The following WWC2 variants were observed in gnomAD, a reference collection of about 807,000 sequenced individuals.
WWC2 encodes WW and C2 domain containing 2, also known as protein WWC2.
In WWC2, 101 loss-of-function variants were observed where a neutral mutation model predicts 138.5. The ratio of observed to expected loss-of-function variants is 0.73; its 90% confidence interval spans 0.62 to 0.86. WWC2 has a LOEUF of 0.86. Ranked by LOEUF, WWC2 falls within the 40% of genes least tolerant of loss-of-function variation. The pLI is 0.00. For synonymous variants in WWC2, 558 were observed against 538.4 expected (o/e 1.04, Z -0.50); for missense variants, 1,420 against 1,419.4 (o/e 1.00, Z -0.01).
At chr4:183,281,237 T>A in intron 17 of WWC2, 1 of 350,634 alleles carries the variant, frequency 2.9e-6, no homozygotes, top group Admixed American at 4.4e-5. Flanking sequence ...GTGACTCTAT[T>A]TTTCTTTTAA....
At chr4:183,226,919 A>G (rs931301613) in intron 4 of WWC2, among the ~76,000 whole-genome samples, 2 of 152,068 alleles carry the variant, frequency 1.3e-5, no homozygotes, top group African/African-American at 4.8e-5. Flanking sequence ...CAGAATAGTA[A>G]GCAGAACACT....
In WWC2 at chr4:183,243,716, G is replaced by A. The variant is rs1025364740; in HGVS notation, c.603-1700G>A. Reference sequence around the variant, plus strand: ...AGAAATGTGACTAGGGGATCTTTAGGGGCCCTCCCCATTCTAAACACTGTG... The same window carrying A: ...AGAAATGTGACTAGGGGATCTTTAGAGGCCCTCCCCATTCTAAACACTGTG... On this transcript the variant is annotated intron_variant, in intron 5 of 22. Transcript: ENST00000403733. 4.0e-5 allele frequency among the ~76,000 whole-genome samples: 6 copies of A among 150,138 alleles called. No homozygotes were observed. The East Asian group carries it at 1.2e-3, about 30-fold the overall frequency.
At chr4:183,268,538 C>T (rs1737582350) in intron 14 of WWC2, among the ~76,000 whole-genome samples, 1 of 152,182 alleles carries the variant, frequency 6.6e-6, no homozygotes, top group Non-Finnish European at 1.5e-5. Context: ...TGATCATCAG[C>T]ATCTCTTGTT....
chr4:183,247,134 A>G (rs1197561462), intron 6 of WWC2, among the ~76,000 whole-genome samples: 2 of 152,164 alleles, frequency 1.3e-5, no homozygotes, highest in Admixed American at 1.3e-4. Flanking sequence ...TTACATCAAA[A>G]CCCAGTAACA....
intron 1 of WWC2, among the ~76,000 whole-genome samples, chr4:183,136,709 T>G (rs1469834872): frequency 6.6e-6 from 1 of 152,220 alleles, no homozygotes; most frequent in Non-Finnish European, 1.5e-5. Context: ...TAAACTATCT[T>G]AAAACATTAT....
chr4:183,186,778 A>G (rs549946781), intron 1 of WWC2, among the ~76,000 whole-genome samples: 2 of 152,016 alleles, frequency 1.3e-5, no homozygotes, highest in Non-Finnish European at 2.9e-5. Context: ...CAGATATTTG[A>G]AAGTCTGTCA....
intron 1 of WWC2, among the ~76,000 whole-genome samples, chr4:183,169,630 A>G (rs1362562506): frequency 6.6e-6 from 1 of 152,110 alleles, no homozygotes; most frequent in Admixed American, 6.5e-5. Context: ...CCTGTAAAAA[A>G]TATGATTTTG....
intron 1 of WWC2, among the ~76,000 whole-genome samples, chr4:183,117,139 C>A (rs531197184): frequency 6.6e-6 from 1 of 150,588 alleles, no homozygotes; most frequent in South Asian, 2.1e-4. Flanking sequence ...CTTTTCGAGA[C>A]AAGTTGAACT....
chr4:183,107,028 C>T (rs1163995760), intron 1 of WWC2, among the ~76,000 whole-genome samples: 2 of 152,170 alleles, frequency 1.3e-5, no homozygotes, highest in Admixed American at 1.3e-4. Flanking sequence ...ATTTTACATT[C>T]CCACCAGCAG....
chr4:183,197,361 T>C (rs2111219007), intron 2 of WWC2, among the ~76,000 whole-genome samples: 1 of 152,336 alleles, frequency 6.6e-6, no homozygotes, highest in Admixed American at 6.5e-5. Context: ...AAGCAAATGG[T>C]ATTATCTTCT....
chr4:183,137,876 C>G (rs1307310978), intron 1 of WWC2, among the ~76,000 whole-genome samples: 1 of 152,150 alleles, frequency 6.6e-6, no homozygotes, highest in Non-Finnish European at 1.5e-5. Context: ...TGTGATAACG[C>G]AGACTTGTTT....
At chr4:183,116,620 C>T (rs1362603826) in intron 1 of WWC2, among the ~76,000 whole-genome samples, 2 of 152,170 alleles carry the variant, frequency 1.3e-5, no homozygotes, top group East Asian at 1.9e-4. Flanking sequence ...GATAGAGCCT[C>T]CTTCAGGATT....
chr4:183,123,269 T>A (rs909032057), intron 1 of WWC2, among the ~76,000 whole-genome samples: 1 of 152,228 alleles, frequency 6.6e-6, no homozygotes, highest in African/African-American at 2.4e-5. Flanking sequence ...AATGGGAGAT[T>A]GTATTAAACA....
At chr4:183,197,868 G>T (rs1311589609) in intron 2 of WWC2, among the ~76,000 whole-genome samples, 1 of 152,100 alleles carries the variant, frequency 6.6e-6, no homozygotes, top group Non-Finnish European at 1.5e-5. Flanking sequence ...TACAAACTTT[G>T]TCCGTCACCC....
At chr4:183,303,413 T>G (rs1196194283) in intron 21 of WWC2, among the ~76,000 whole-genome samples, 1 of 152,164 alleles carries the variant, frequency 6.6e-6, no homozygotes, top group Non-Finnish European at 1.5e-5. Flanking sequence ...TTGACCCATA[T>G]CCTAAGTTAA....
intron 4 of WWC2, among the ~76,000 whole-genome samples, chr4:183,224,310 T>C (rs1736009360): frequency 6.6e-6 from 1 of 152,208 alleles, no homozygotes; most frequent in Non-Finnish European, 1.5e-5. Context: ...ATTTATCGTC[T>C]AGATTTGTTA....
At chr4:183,208,270 G>A in intron 3 of WWC2, 114 bp downstream of exon 3, 1 of 1,140,622 alleles carries the variant, frequency 8.8e-7, no homozygotes, top group East Asian at 2.6e-5. Context: ...TCCTAAGCAG[G>A]AAGAGTCTCT....
intron 1 of WWC2, among the ~76,000 whole-genome samples, chr4:183,115,376 TG>T (rs1732377555): frequency 6.6e-6 from 1 of 152,224 alleles, no homozygotes; most frequent in African/African-American, 2.4e-5. Context: ...TGTATTCCTG[TG>T]GGTATATACC....
At chr4:183,271,659 G>A (rs1183888926) in intron 16 of WWC2, among the ~76,000 whole-genome samples, 3 of 152,162 alleles carry the variant, frequency 2.0e-5, no homozygotes, top group African/African-American at 7.2e-5. Context: ...CCAAAACAGT[G>A]TGTTAGCTTT....
Sources: gnomAD v4.1 joint callset for allele counts (sites outside exome capture counted in the v4.1 genomes callset) on GRCh38, gnomAD v4.1.1 for gene constraint, MANE v1.5 for transcripts, NCBI Gene and HGNC (gene_info 2026-07-23, HGNC 2026-07-21) for gene names.